Variants in HLA-DRB1 observed in about 807,000 individuals in gnomAD.
HLA-DRB1 encodes the protein major histocompatibility complex, class II, DR beta 1.
A neutral mutation model predicts 27.9 loss-of-function variants in HLA-DRB1; 10 were observed. The observed-to-expected ratio is 0.36, with a 90% CI of 0.22 to 0.61. The LOEUF (loss-of-function observed/expected upper bound fraction) is 0.61. Ranked by LOEUF, HLA-DRB1 falls within the 20% of genes least tolerant of loss-of-function variation. The probability of loss-of-function intolerance (pLI) is 0.73; values close to 1 mark genes in which losing one functional copy is unlikely to be tolerated. For missense variants in HLA-DRB1, 118 were observed against 306.3 expected (o/e 0.39, Z 4.59); for synonymous variants, 57 against 126.7 (o/e 0.45, Z 3.69).
intron 1 of HLA-DRB1, among the ~76,000 whole-genome samples, chr6:32,584,983 C>T (rs72850283): frequency 0.27 from 21,395 of 79,192 alleles, 9,427 homozygotes; most frequent in Admixed American, 0.28. Flanking sequence ...ATAGAAGATT[C>T]CCAGTTAAAT....
At chr6:32,583,761 A>AG (rs556611192) in intron 2 of HLA-DRB1, among the ~76,000 whole-genome samples, 315 of 46,768 alleles carry the variant, frequency 6.7e-3, no homozygotes, top group East Asian at 9.4e-3. Context: ...CTAAGGACCG[A>AG]GATAATCAAG....
At chr6:32,587,910 G>C (rs9270172) in intron 1 of HLA-DRB1, among the ~76,000 whole-genome samples, 75,837 of 133,896 alleles carry the variant, frequency 0.57, 17,372 homozygotes, top group Middle Eastern at 0.69. Context: ...GCCCAGTAAA[G>C]AGTAGCTGCT....
At chr6:32,582,031 G>A (rs9269821) in intron 2 of HLA-DRB1, among the ~76,000 whole-genome samples, 193 bp from the exon 3 acceptor site, 37,969 of 77,886 alleles carry the variant, frequency 0.49, 7,713 homozygotes, top group Middle Eastern at 0.57. Flanking sequence ...GATTTGAGAG[G>A]TGTTGTGAAA....
chr6:32,581,885 A>ACTCT, intron 2 of HLA-DRB1, 47 bp from the exon 3 acceptor site: 1 of 966,648 alleles, frequency 1.0e-6, no homozygotes, highest in Non-Finnish European at 1.6e-6. Context: ...AGACAGAGTA[A>ACTCT]GTCTCCTGGT....
chr6:32,584,604 G>GT (rs1776114367), intron 1 of HLA-DRB1, among the ~76,000 whole-genome samples: 1 of 64,304 alleles, frequency 1.6e-5, no homozygotes, highest in African/African-American at 5.3e-5. Context: ...CCAGGCTTTT[G>GT]GGACCCCCTC....
At chr6:32,587,869 A>C (rs17210104) in intron 1 of HLA-DRB1, among the ~76,000 whole-genome samples, 23,833 of 128,694 alleles carry the variant, frequency 0.19, 589 homozygotes, top group Admixed American at 0.25. Context: ...CTCTAACTTA[A>C]TCAAATAGAA....
At chr6:32,582,227 G>C (rs28723980) in intron 2 of HLA-DRB1, among the ~76,000 whole-genome samples, 14,763 of 115,806 alleles carry the variant, frequency 0.13, no homozygotes, top group Admixed American at 0.18. Context: ...TCTCAACTTT[G>C]TCACCTACAA....
At chr6:32,583,042 C>A (rs28724031) in intron 2 of HLA-DRB1, among the ~76,000 whole-genome samples, 35,442 of 128,994 alleles carry the variant, frequency 0.27, 6,263 homozygotes, top group East Asian at 0.37. Context: ...CAAACTGGAG[C>A]AAATGCTGGA....
intron 2 of HLA-DRB1, 23 bp from the exon 3 acceptor site, chr6:32,581,861 G>A (rs72850244): frequency 0.097 from 100,163 of 1,037,722 alleles, 10,100 homozygotes; most frequent in Non-Finnish European, 0.097. Context: ...CAACGTAGAG[G>A]GAATGAGTCA....
chr6:32,584,955 G>C (rs556985771), intron 1 of HLA-DRB1, among the ~76,000 whole-genome samples: 1,304 of 49,576 alleles, frequency 0.026, 81 homozygotes, highest in East Asian at 0.041. Context: ...GAAGTGTGGC[G>C]TTCTAGAGCA....
intron 3 of HLA-DRB1, 28 bp from the exon 4 acceptor site, chr6:32,580,884 G>A (rs28732283): frequency 4.6e-6 from 7 of 1,518,236 alleles, no homozygotes; most frequent in Non-Finnish European, 5.4e-6. Context: ...GTTTAGTGAT[G>A]TTTATTCCAA....
chr6:32,585,821 G>T (rs9270043), intron 1 of HLA-DRB1, among the ~76,000 whole-genome samples: 118,500 of 142,226 alleles, frequency 0.83, 50,334 homozygotes, highest in Middle Eastern at 0.9. Flanking sequence ...AATACTGGGT[G>T]TTACTTATAA....
chr6:32,580,522 C>T (rs34350944), intron 4 of HLA-DRB1, among the ~76,000 whole-genome samples: 10 of 119,876 alleles, frequency 8.3e-5, no homozygotes, highest in African/African-American at 2.3e-4. Context: ...ACCAAAGGAC[C>T]CCTACTTGTT....
At chr6:32,584,163 T>C (rs17885079) in exon 2 of HLA-DRB1, 2 of 1,305,536 alleles carry the variant, frequency 1.5e-6, no homozygotes, top group Non-Finnish European at 2.1e-6. Flanking sequence ...CTGCAGTAGG[T>C]GTCCACCGCG....
In HLA-DRB1 at chr6:32,579,389, C is replaced by T. The variant is rs1443397455; in HGVS notation, c.788-285G>A. On this transcript the variant is annotated intron_variant, in intron 5 of 5. Coordinates refer to ENST00000360004, the Ensembl canonical transcript of HLA-DRB1. ...CTGGTGTGTCCTGAGTTTGTTCCTT[C>T]CGGTGGGTTTGTGGTCTCGCTGACT... Among the ~76,000 whole-genome samples, 8 of 65,848 alleles carry T rather than the reference C, an allele frequency of 1.2e-4. 2 individuals are homozygous for T. Among genetic ancestry groups the T allele is most frequent in the African/African-American group, 1.8e-4 (3 of 16,736 alleles). The allele number at this position is 65,848 out of a possible 152,430, so 43.2% of individuals were successfully genotyped here.
At position 32,579,831 on chromosome 6, in the gene HLA-DRB1, C is replaced by T. The variant is rs367771778; in HGVS notation, c.787+416G>A. 2.9e-3 allele frequency among the ~76,000 whole-genome samples: 114 copies of T among 39,242 alleles called. 48 individuals carry two copies. The East Asian group carries it at 0.048, about 16-fold the overall frequency. The allele number at this position is 39,242 out of a possible 152,430, so 25.7% of individuals were successfully genotyped here. ...TTAGAAACCTCTTGTAGGCCGGGCG[C>T]GGTGGCTCACGCCTGTAATCCCAGC... On this transcript the variant is annotated intron_variant, in intron 5 of 5. Transcript: ENST00000360004.
chr6:32,579,627 A>G lies in HLA-DRB1; in HGVS notation c.788-523T>C, dbSNP rs763421369. 1.9e-4 allele frequency among the ~76,000 whole-genome samples: 12 copies of G among 62,626 alleles called. 5 individuals are homozygous for G. The highest frequency in any genetic ancestry group is 3.8e-4 in the Admixed American group (2 of 5,224). 41.1% of individuals were successfully genotyped at this position (62,626 alleles called of 152,430 possible). ...TCCTGCAGATTGGTCCATTTTAAAGAGTGCTGATTGGTCCATTTTAAAGAG... is the reference window on the plus strand; with the variant it reads ...TCCTGCAGATTGGTCCATTTTAAAGGGTGCTGATTGGTCCATTTTAAAGAG... On this transcript the variant is annotated intron_variant, in intron 5 of 5. Coordinates refer to ENST00000360004, the Ensembl canonical transcript of HLA-DRB1.
rs1165678008 is a variant in HLA-DRB1, at chr6:32,583,167, A to C, written c.370+942T>G. Among the ~76,000 whole-genome samples the C allele has an allele frequency of 1.2e-3, 78 of 66,708 alleles. 24 individuals are homozygous for C. The highest frequency in any genetic ancestry group is 0.019 in the Middle Eastern group (2 of 104). 43.8% of individuals were successfully genotyped at this position (66,708 alleles called of 152,430 possible). A position where few individuals can be genotyped will look rare whatever the true frequency, so the allele number is the denominator to read the frequency against. On this transcript the variant is annotated intron_variant, in intron 2 of 5. Transcript: ENST00000360004. ...GTAGATCATTGTCCATTACCTACCA[A>C]ATACAATAGGGAATTCTTAGAGCAA...
intron 2 of HLA-DRB1, 33 bp downstream of exon 2, chr6:32,584,076 G>T: frequency 2.4e-6 from 1 of 415,230 alleles, no homozygotes; most frequent in Non-Finnish European, 3.6e-6. Context: ...CCCAGCTCAC[G>T]GGGACTCAGG....
Sources: allele counts gnomAD v4.1 joint callset (sites outside exome capture counted in the v4.1 genomes callset), GRCh38; gene constraint gnomAD v4.1.1; transcripts MANE v1.5; gene names NCBI Gene and HGNC (gene_info 2026-07-23, HGNC 2026-07-21).